The following TCHHL1 variants were observed in gnomAD, a reference collection of about 807,000 sequenced individuals.
The protein encoded by TCHHL1 is trichohyalin like 1, also known as trichohyalin-like protein 1.
Under a neutral mutation model 3.5 loss-of-function variants are expected in TCHHL1, and 1 was observed. The observed-to-expected ratio is 0.29, with a 90% CI of 0.10 to 1.36. The LOEUF is 1.36. Ranked by LOEUF, TCHHL1 falls within the 40% of genes most tolerant of loss-of-function variation. The probability of loss-of-function intolerance (pLI) is 0.43; values close to 1 mark genes in which losing one functional copy is unlikely to be tolerated. For synonymous variants in TCHHL1, 405 were observed against 375.3 expected (o/e 1.08, Z -0.92); for missense variants, 1,027 against 1,032.8 (o/e 0.99, Z 0.08).
In TCHHL1 at chr1:152,084,951, T is replaced by C. The variant is rs759762621; in HGVS notation, c.*16A>G. ...GATTGGGAGAGAAATTGGGGGCATG[T>C]TGAGATGATAATGATTCATTGCTTT... On this transcript the variant is annotated 3_prime_UTR_variant, in exon 3 of 3. Transcript: ENST00000368806. 3 of 1,604,704 alleles carry C rather than the reference T, an allele frequency of 1.9e-6. No homozygotes were observed. In the African/African-American group the frequency reaches 4.0e-5, roughly 22 times the overall value.
chr1:152,086,413 A>C lies in TCHHL1; in HGVS notation c.1269T>G (p.Asp423Glu). ...RPLVLETQTQDGKYQELQGLS... is the reference protein window; with the variant it reads ...RPLVLETQTQEGKYQELQGLS... The stretch of plus-strand genomic sequence containing the variant: ...ATCCTTGGAGTTCCTGATACTTCCC[A>C]TCCTGTGTTTGGGTTTCCAGGACTA... Residue 423 changes from aspartate to glutamate, a missense_variant, in exon 3 of 3, where the codon GAT becomes GAG. Physicochemically the swap from Asp to Glu is conservative, Grantham distance 45 (BLOSUM62 2). This residue lies in a region of TCHHL1 where 673 missense variants were observed against 658.6 expected (regional missense o/e 1.02). Coordinates refer to ENST00000368806, the MANE Select transcript of TCHHL1 (RefSeq NM_001008536.2). 6.2e-7 allele frequency: 1 copy of C among 1,614,052 alleles called. No homozygotes were observed.
chr1:152,088,689 A>G (rs930768234), intron 1 of TCHHL1, among the ~76,000 whole-genome samples: 7 of 152,188 alleles, frequency 4.6e-5, no homozygotes, highest in East Asian at 3.8e-4. Context: ...AACCAAGAAG[A>G]CATGATTCCA....
chr1:152,087,098 T>A lies in TCHHL1; in HGVS notation c.584A>T (p.Asp195Val), dbSNP rs775229109. 6.2e-6 allele frequency: 10 copies of A among 1,614,062 alleles called. No homozygotes were observed. The highest frequency in any genetic ancestry group is 8.5e-6 in the Non-Finnish European group (10 of 1,180,014). ...TTCATTGTCTTCTGTTGTTTGTATATCTTGAGCCACTTCCTGACTTTGTTC... is the reference window on the plus strand; with the variant it reads ...TTCATTGTCTTCTGTTGTTTGTATAACTTGAGCCACTTCCTGACTTTGTTC... Reference protein sequence around the residue: ...GDEQSQEVAQDIQTTEDNEGQ... With the variant: ...GDEQSQEVAQVIQTTEDNEGQ... The change falls in exon 3 of 3, where the codon GAT becomes GTT. Residue 195 changes from aspartate (D) to valine (V), a missense_variant. By Grantham distance (152) the Asp-to-Val change is radical. This residue lies in a region of TCHHL1 where 338 missense variants were observed against 335.9 expected (regional missense o/e 1.01). Transcript: ENST00000368806.
In TCHHL1 at chr1:152,087,212, A is replaced by G. The variant is rs1422456292; in HGVS notation, c.470T>C (p.Val157Ala). ...EESGAVGNNR[V>A]DPWREAKTHN... is the part of the protein sequence containing the mutation. ...AGTCTTGGCTTCTCTCCATGGGTCC[A>G]CTCTGTTATTTCCAACTGCTCCACT... is the stretch of plus-strand genomic sequence containing the variant. Residue 157 changes from valine to alanine, a missense_variant, in exon 3 of 3, where the codon GTG becomes GCG. Physicochemically the swap from Val to Ala is moderately conservative, Grantham distance 64. Around this residue, in one of 3 missense-constraint regions of TCHHL1, gnomAD observed 338 missense variants for 335.9 expected, o/e 1.01. Coordinates refer to ENST00000368806, the MANE Select transcript of TCHHL1 (RefSeq NM_001008536.2). 2.5e-6 allele frequency: 4 copies of G among 1,613,258 alleles called. No individual in the cohort carries two copies. In the Admixed American group the frequency reaches 5.0e-5, roughly 20 times the overall value.
At chr1:152,088,978 C>G (rs1213820350) in intron 1 of TCHHL1, 42 bp downstream of exon 1, 2 of 152,070 alleles carry the variant, frequency 1.3e-5, no homozygotes, top group Non-Finnish European at 2.9e-5. Context: ...ATAAGCAAAA[C>G]AGCAACTGAA....
In TCHHL1 at chr1:152,085,903, A is replaced by G. The variant is rs778491647; in HGVS notation, c.1779T>C (p.Asp593=). The G allele has an allele frequency of 6.2e-7, 1 of 1,614,042 alleles. No homozygotes were observed. The change falls in exon 3 of 3, where the codon GAT becomes GAC. Residue 593 remains aspartate (D), a synonymous_variant. Transcript: ENST00000368806. Reference sequence around the variant, plus strand: ...CACCAGGTGTTCCCTGCCTCTGGGTATCTGGGTTATTATTGTGACCTCCTT... The same window carrying G: ...CACCAGGTGTTCCCTGCCTCTGGGTGTCTGGGTTATTATTGTGACCTCCTT... ...SVQGGHNNNP[D]TQRQGTPGEK...
At position 152,086,175 on chromosome 1, in the gene TCHHL1, C is replaced by T; in HGVS notation, c.1507G>A (p.Ala503Thr). The change falls in exon 3 of 3, where the codon GCA becomes ACA. Residue 503 changes from alanine to threonine, a missense_variant. By Grantham distance (58) the Ala-to-Thr change is moderately conservative (BLOSUM62 0). Transcript: ENST00000368806. ...CCTACAGACTGCTTCTCAAGTGGTG[C>T]TAAATCTTGTGTTCTTTCTCTTGCC... is the stretch of plus-strand genomic sequence containing the variant. ...LGARERTQDL[A>T]PLEKQSVGEN... 4 of 1,614,198 alleles carry T rather than the reference C, an allele frequency of 2.5e-6. No individual in the cohort carries two copies. Among genetic ancestry groups the T allele is most frequent in the Non-Finnish European group, 3.4e-6 (4 of 1,180,034 alleles).
rs1230455698 is a variant in TCHHL1, at chr1:152,084,673, A to G, written c.*294T>C. 3.5e-6 allele frequency: 1 copy of G among 289,226 alleles called. No individual in the cohort carries two copies. The highest frequency in any genetic ancestry group is 6.4e-6 in the Non-Finnish European group (1 of 155,424). The allele number at this position is 289,226 out of a possible 1,614,324, so 17.9% of individuals were successfully genotyped here. On this transcript the variant is annotated 3_prime_UTR_variant, in exon 3 of 3. Coordinates refer to ENST00000368806, the MANE Select transcript of TCHHL1 (RefSeq NM_001008536.2). ...TTGGAAAAACTGGCACCTGCTAAAG[A>G]TATGGAAGGAATTTTTCCATTTTTA...
rs760131417 is a variant in TCHHL1 at position 152,086,817 on chromosome 1, G to T, written c.865C>A (p.Gln289Lys). Residue 289 changes from glutamine to lysine, a missense_variant, in exon 3 of 3, where the codon CAA becomes AAA. Transcript: ENST00000368806. The stretch of plus-strand genomic sequence containing the variant: ...TCTTCTCTTTGTAGGGGTGGTTCTT[G>T]TATATTAGAGTGTTTTTCCTTTTCT... ...RTEKEKHSNIQEPPLQREDEP... is the reference protein window; with the variant it reads ...RTEKEKHSNIKEPPLQREDEP... 1 of 1,614,118 alleles carries T rather than the reference G, an allele frequency of 6.2e-7. No homozygotes were observed. The highest frequency in any genetic ancestry group is 1.1e-5 in the South Asian group (1 of 91,080).
Position 152,084,762 on chromosome 1 carries a change from T to G in TCHHL1, c.*205A>C. On this transcript the variant is annotated 3_prime_UTR_variant, in exon 3 of 3. Transcript: ENST00000368806. ...CCCATTTTGGCATTTGGAAGTAGCA[T>G]TGTTTGGTAGGAGTTTTACTGACTG... is the stretch of plus-strand genomic sequence containing the variant. The G allele has an allele frequency of 3.4e-5, 18 of 535,286 alleles. No individual in the cohort carries two copies. The highest frequency in any genetic ancestry group is 3.8e-5 in the Non-Finnish European group (12 of 315,558). 33.2% of individuals were successfully genotyped at this position (535,286 alleles called of 1,614,324 possible).
At position 152,084,882 on chromosome 1, in the gene TCHHL1, A is replaced by T. The variant is rs572726846; in HGVS notation, c.*85T>A. ...GAAATTTAGGAAGAGAATTTAAAAG[A>T]TTGTTAATCTGCATCTGAATGTGTA... is the stretch of plus-strand genomic sequence containing the variant. On this transcript the variant is annotated 3_prime_UTR_variant, in exon 3 of 3. Transcript: ENST00000368806. The T allele has an allele frequency of 4.8e-4, 667 of 1,386,930 alleles. 2 individuals are homozygous for T. Among genetic ancestry groups the T allele is most frequent in the Middle Eastern group, 5.9e-4 (3 of 5,122 alleles). 85.9% of individuals were successfully genotyped at this position (1,386,930 alleles called of 1,614,324 possible).
Position 152,085,356 on chromosome 1 carries a change from A to G in TCHHL1, c.2326T>C (p.Ser776Pro). The part of the protein sequence containing the change: ...KKEHNSSVPW[S>P]SLEKQMQRDQ... ...CTCTGCATCTGCTTTTCAAGACTTG[A>G]CCAGGGGACTGAAGAATTGTGCTCT... The change falls in exon 3 of 3, where the codon TCA becomes CCA. Residue 776 changes from serine to proline, a missense_variant. Physicochemically the swap from Ser to Pro is moderately conservative, Grantham distance 74 (BLOSUM62 -1). Coordinates refer to ENST00000368806, the MANE Select transcript of TCHHL1 (RefSeq NM_001008536.2). 6.2e-7 allele frequency: 1 copy of G among 1,614,124 alleles called. No homozygotes were observed. The highest frequency in any genetic ancestry group is 8.5e-7 in the Non-Finnish European group (1 of 1,180,014).
In TCHHL1 at chr1:152,085,762, G is replaced by A; in HGVS notation, c.1920C>T (p.Thr640=). 6.2e-7 allele frequency: 1 copy of A among 1,614,106 alleles called. No homozygotes were observed. The highest frequency in any genetic ancestry group is 8.5e-7 in the Non-Finnish European group (1 of 1,180,022). Residue 640 remains threonine (T), a synonymous_variant, in exon 3 of 3, where the codon ACC becomes ACT. Coordinates refer to ENST00000368806, the MANE Select transcript of TCHHL1 (RefSeq NM_001008536.2). ...GCTCCACAGCTGCACCTGGGCCTTT[G>A]GTCCCTGGGCCTTGATTCTTGTGTT... is the stretch of plus-strand genomic sequence containing the variant. The part of the protein sequence containing the change: ...RGEHKNQGPG[T]KGPGAAVEPN...
In TCHHL1 at chr1:152,085,074, C is replaced by G. The variant is rs750394175; in HGVS notation, c.2608G>C (p.Ala870Pro). Residue 870 changes from alanine (A) to proline (P), a missense_variant, in exon 3 of 3, where the codon GCT (alanine) becomes CCT (proline). By Grantham distance (27) the Ala-to-Pro change is conservative (BLOSUM62 -1). Coordinates refer to ENST00000368806, the MANE Select transcript of TCHHL1 (RefSeq NM_001008536.2). ...TRGLPLDESP[A>P]GAQETPAPQA... ...GGAGCTGGTGTTTCCTGTGCACCAG[C>G]AGGACTCTCATCAAGTGGAAGTCCC... is the stretch of plus-strand genomic sequence containing the variant. 1 of 1,614,048 alleles carries G rather than the reference C, an allele frequency of 6.2e-7. No individual in the cohort carries two copies. Among genetic ancestry groups the G allele is most frequent in the South Asian group, 1.1e-5 (1 of 91,068 alleles).
Position 152,085,446 on chromosome 1 carries a change from C to T in TCHHL1, c.2236G>A (p.Glu746Lys), listed in dbSNP as rs1252011262. Reference sequence around the variant, plus strand: ...AGCTCTTGGGGACTTTCATCTTCCTCCTCTGATGTTACAGGTTCCTTTGTT... The same window carrying T: ...AGCTCTTGGGGACTTTCATCTTCCTTCTCTGATGTTACAGGTTCCTTTGTT... ...LETKEPVTSE[E>K]EDESPQELAG... Residue 746 changes from glutamate to lysine, a missense_variant, in exon 3 of 3, where the codon GAG becomes AAG. Physicochemically the swap from Glu to Lys is moderately conservative, Grantham distance 56. Coordinates refer to ENST00000368806, the MANE Select transcript of TCHHL1 (RefSeq NM_001008536.2). The T allele has an allele frequency of 6.2e-7, 1 of 1,614,212 alleles. No individual in the cohort carries two copies. Among genetic ancestry groups the T allele is most frequent in the African/African-American group, 1.3e-5 (1 of 75,048 alleles).
rs1311241788 is a variant in TCHHL1 at position 152,086,448 on chromosome 1, T to G, written c.1234A>C (p.Thr412Pro). Residue 412 changes from threonine (T) to proline (P), a missense_variant, in exon 3 of 3, where the codon ACT (threonine) becomes CCT (proline). By Grantham distance (38) the Thr-to-Pro change is conservative (BLOSUM62 -1). Transcript: ENST00000368806. The stretch of plus-strand genomic sequence containing the variant: ...TGGGTTTCCAGGACTAGTGGCCGAG[T>G]TTTTCTGTCACGTTCTTTCTGCCCT... Reference protein sequence around the residue: ...TAGQKERDRKTRPLVLETQTQ... With the variant: ...TAGQKERDRKPRPLVLETQTQ... 1 of 1,613,924 alleles carries G rather than the reference T, an allele frequency of 6.2e-7. No homozygotes were observed.
Position 152,087,499 on chromosome 1 carries a change from A to T in TCHHL1, c.183T>A (p.Asn61Lys), listed in dbSNP as rs777784214. The T allele has an allele frequency of 1.9e-6, 3 of 1,600,218 alleles. No homozygotes were observed. Among genetic ancestry groups the T allele is most frequent in the African/African-American group, 1.3e-5 (1 of 74,860 alleles). ...HAVEKNSNLLNIDSNGIISFD... is the reference protein window; with the variant it reads ...HAVEKNSNLLKIDSNGIISFD... Reference sequence around the variant, plus strand: ...AACTGATGATGCCATTACTGTCAATATTCAGAAGATTTGAATTTTTTTCCA... The same window carrying T: ...AACTGATGATGCCATTACTGTCAATTTTCAGAAGATTTGAATTTTTTTCCA... The change falls in exon 3 of 3, where the codon AAT becomes AAA. Residue 61 changes from asparagine (N) to lysine (K), a missense_variant. Asn to Lys is a moderately conservative substitution (Grantham distance 94). Transcript: ENST00000368806.
In TCHHL1 at chr1:152,085,889, C is replaced by A; in HGVS notation, c.1793G>T (p.Gly598Val). The A allele has an allele frequency of 6.2e-7, 1 of 1,614,192 alleles. No homozygotes were observed. Among genetic ancestry groups the A allele is most frequent in the Non-Finnish European group, 8.5e-7 (1 of 1,180,028 alleles). Residue 598 changes from glycine (G) to valine (V), a missense_variant, in exon 3 of 3, where the codon GGA (glycine) becomes GTA (valine). Transcript: ENST00000368806. ...HNNNPDTQRQGTPGEKNRALE... is the reference protein window; with the variant it reads ...HNNNPDTQRQVTPGEKNRALE... ...AGCTCTGTTTTTCTCACCAGGTGTT[C>A]CCTGCCTCTGGGTATCTGGGTTATT...
Position 152,088,177 on chromosome 1 carries a change from T to C in TCHHL1, c.-20-14A>G. On this transcript the variant is annotated splice_polypyrimidine_tract_variant and intron_variant, in intron 1 of 2. Coordinates refer to ENST00000368806, the MANE Select transcript of TCHHL1 (RefSeq NM_001008536.2). ...ACTCAGGAGAGGCTGTGAGAAAGAA[T>C]AAACAAAGCTCATTTTCCAGGATGG... 1 of 1,517,142 alleles carries C rather than the reference T, an allele frequency of 6.6e-7. No homozygotes were observed. Among genetic ancestry groups the C allele is most frequent in the Non-Finnish European group, 8.8e-7 (1 of 1,133,344 alleles). 94.0% of individuals were successfully genotyped at this position (1,517,142 alleles called of 1,614,324 possible).
Sources: allele counts gnomAD v4.1 joint callset (sites outside exome capture counted in the v4.1 genomes callset), GRCh38; gene constraint gnomAD v4.1.1; regional missense constraint gnomAD v4.1.1; transcripts MANE v1.5; gene names NCBI Gene and HGNC (gene_info 2026-07-23, HGNC 2026-07-21).